Variants in ANKRD12 observed in about 807,000 individuals in gnomAD.
The protein encoded by ANKRD12 is ankyrin repeat domain 12, also known as ankyrin repeat domain-containing protein 12.
ANKRD12 carries 85 observed loss-of-function variants against 183.4 expected under a neutral mutation model. The observed-to-expected ratio is 0.46, with a 90% CI of 0.39 to 0.56. The LOEUF (loss-of-function observed/expected upper bound fraction) is 0.56. Among genes scored for constraint, ANKRD12 ranks in the 20% least tolerant of loss-of-function variants. The pLI, the probability that ANKRD12 is intolerant of heterozygous loss-of-function variation, is 0.00. For missense variants in ANKRD12, 2,405 were observed against 2,357.1 expected, an observed-to-expected ratio of 1.02 and a Z score of -0.42; for synonymous variants, 914 against 800.2, an observed-to-expected ratio of 1.14 and a Z score of -2.40.
chr18:9,224,098 A>G (rs2036575324), intron 8 of ANKRD12, among the ~76,000 whole-genome samples: 1 of 152,242 alleles, frequency 6.6e-6, no homozygotes, highest in Non-Finnish European at 1.5e-5. Flanking sequence ...TTCTGACAAG[A>G]TTAACTAGAA....
At chr18:9,262,786 CCTTTTT>C (rs1227055321) in intron 9 of ANKRD12, among the ~76,000 whole-genome samples, 1 of 87,932 alleles carries the variant, frequency 1.1e-5, no homozygotes, top group Non-Finnish European at 2.3e-5. Flanking sequence ...CCAAGATGTC[CCTTTTT>C]TTTTTTTTTT....
rs1014804332 is a variant in ANKRD12 at position 9,258,130 on chromosome 18, T to C, written c.4863T>C (p.Asn1621=). 21 of 1,613,438 alleles carry C rather than the reference T, an allele frequency of 1.3e-5. No individual in the cohort carries two copies. Among genetic ancestry groups the C allele is most frequent in the African/African-American group, 5.3e-5 (4 of 75,032 alleles). ...CTTCCAGTGGCCATGAAGTTGAGAA[T>C]AGCACAACTGATACTCAGGTCATTT... ...YKSSSGHEVE[N]STTDTQVISH... is the part of the protein sequence containing the mutation. Residue 1621 remains asparagine, a synonymous_variant, in exon 9 of 13, where the codon AAT becomes AAC. Coordinates refer to ENST00000262126, the MANE Select transcript of ANKRD12 (RefSeq NM_015208.5).
At chr18:9,147,163 A>G (rs183064196) in intron 1 of ANKRD12, among the ~76,000 whole-genome samples, 3 of 152,236 alleles carry the variant, frequency 2.0e-5, no homozygotes, top group East Asian at 3.9e-4. Context: ...ATTGTAAACT[A>G]TTCTGGTTTC....
At chr18:9,149,792 A>ATTTTT (rs75749856) in intron 1 of ANKRD12, among the ~76,000 whole-genome samples, 27 of 28,196 alleles carry the variant, frequency 9.6e-4, no homozygotes, top group Non-Finnish European at 1.6e-3. Flanking sequence ...TTATTTATTA[A>ATTTTT]ATTTTATTTT....
intron 8 of ANKRD12, among the ~76,000 whole-genome samples, chr18:9,223,229 G>A (rs919971843): frequency 2.0e-5 from 3 of 151,828 alleles, no homozygotes; most frequent in African/African-American, 4.8e-5. Context: ...AGACCAGCCT[G>A]GCCAACATGG....
At chr18:9,156,439 TAGAAAGCCTGAAAAGAGA>T (rs960955789) in intron 1 of ANKRD12, among the ~76,000 whole-genome samples, 4 of 152,162 alleles carry the variant, frequency 2.6e-5, no homozygotes, top group Admixed American at 2.6e-4. Flanking sequence ...TGGAACAGAC[TAGAAAGCCTGAAAAGAGA>T]TTTAGTTATT....
intron 1 of ANKRD12, among the ~76,000 whole-genome samples, chr18:9,171,035 C>T (rs2032665531): frequency 6.6e-6 from 1 of 152,168 alleles, no homozygotes; most frequent in East Asian, 1.9e-4. Context: ...TGGTGAACCG[C>T]AAATGCTGCT....
At position 9,158,364 on chromosome 18, in the gene ANKRD12, G is replaced by A. The variant is rs115843342; in HGVS notation, c.-52+21399G>A. Reference sequence around the variant, plus strand: ...GTTCCAAGGTCCCATCCAGGATACCGCATTACATTTAGTTATCATGTCTCC... The same window carrying A: ...GTTCCAAGGTCCCATCCAGGATACCACATTACATTTAGTTATCATGTCTCC... On this transcript the variant is annotated intron_variant, in intron 1 of 12. Transcript: ENST00000262126. 2.4e-3 allele frequency among the ~76,000 whole-genome samples: 366 copies of A among 152,260 alleles called. 8 individuals carry two copies. Among genetic ancestry groups the A allele is most frequent in the African/African-American group, 8.3e-3 (344 of 41,544 alleles).
intron 10 of ANKRD12, among the ~76,000 whole-genome samples, chr18:9,264,114 CTAATAACTTCT>C (rs1735730255): frequency 6.6e-6 from 1 of 152,176 alleles, no homozygotes; most frequent in South Asian, 2.1e-4. Flanking sequence ...ATGTAAGTCT[CTAATAACTTCT>C]TGTTATTTGT....
At chr18:9,267,989 C>A (rs1598757447) in intron 10 of ANKRD12, among the ~76,000 whole-genome samples, 1 of 152,226 alleles carries the variant, frequency 6.6e-6, no homozygotes, top group Non-Finnish European at 1.5e-5. Flanking sequence ...GAATAAACAC[C>A]TCTACACAAA....
At chr18:9,197,501 C>T (rs2034907136) in intron 3 of ANKRD12, among the ~76,000 whole-genome samples, 2 of 152,178 alleles carry the variant, frequency 1.3e-5, no homozygotes, top group Non-Finnish European at 2.9e-5. Flanking sequence ...TTTGACTTCC[C>T]AAGTACTTAA....
At chr18:9,220,423 A>G (rs2036356943) in intron 7 of ANKRD12, among the ~76,000 whole-genome samples, 2 of 152,218 alleles carry the variant, frequency 1.3e-5, no homozygotes, top group African/African-American at 4.8e-5. Flanking sequence ...GGAAATGCAC[A>G]AAATATCAAA....
chr18:9,228,137 T>A (rs1396936975), intron 8 of ANKRD12, among the ~76,000 whole-genome samples: 1 of 152,122 alleles, frequency 6.6e-6, no homozygotes, highest in Non-Finnish European at 1.5e-5. Flanking sequence ...GAAATCCATG[T>A]TGCTGCAAAT....
At chr18:9,231,506 C>CT (rs1206485762) in intron 8 of ANKRD12, among the ~76,000 whole-genome samples, 3 of 151,694 alleles carry the variant, frequency 2.0e-5, no homozygotes, top group African/African-American at 4.8e-5. Flanking sequence ...CCTTTTTTGT[C>CT]TTTTTTTAAA....
chr18:9,170,363 A>G (rs1023379212), intron 1 of ANKRD12, among the ~76,000 whole-genome samples: 3 of 152,284 alleles, frequency 2.0e-5, no homozygotes, highest in Middle Eastern at 3.4e-3. Context: ...TCAGATGTAG[A>G]TTTGGTCTTT....
At chr18:9,168,849 G>A (rs1215522362) in intron 1 of ANKRD12, among the ~76,000 whole-genome samples, 1 of 151,688 alleles carries the variant, frequency 6.6e-6, no homozygotes, top group Non-Finnish European at 1.5e-5. Flanking sequence ...TTTCTCTTGT[G>A]GGCATTTAGT....
intron 1 of ANKRD12, 112 bp from the exon 2 acceptor site, chr18:9,182,270 T>C (rs1598477322): frequency 3.0e-6 from 1 of 333,208 alleles, no homozygotes; most frequent in Non-Finnish European, 5.5e-6. Context: ...GATAGCCTCT[T>C]TGAGAAAATA....
chr18:9,203,601 A>AT (rs1427771080), intron 3 of ANKRD12, among the ~76,000 whole-genome samples: 9 of 151,680 alleles, frequency 5.9e-5, no homozygotes, highest in Non-Finnish European at 1.3e-4. Context: ...GTGTGTATAT[A>AT]TATTATTATT....
intron 6 of ANKRD12, among the ~76,000 whole-genome samples, chr18:9,213,381 A>T (rs1052688920): frequency 6.6e-6 from 1 of 151,758 alleles, no homozygotes; most frequent in African/African-American, 2.4e-5. Context: ...TGACAATTCC[A>T]CTCTCAAGGA....
Sources: allele counts gnomAD v4.1 joint callset (sites outside exome capture counted in the v4.1 genomes callset), GRCh38; gene constraint gnomAD v4.1.1; transcripts MANE v1.5; gene names NCBI Gene and HGNC (gene_info 2026-07-23, HGNC 2026-07-21).